Variants in ATXN10 observed in about 807,000 individuals in gnomAD.
ATXN10 encodes ataxin-10.
In ATXN10, 28 loss-of-function variants were observed where a neutral mutation model predicts 52.9. That is an observed-to-expected ratio of 0.53 (90% CI 0.39 to 0.73). The LOEUF (loss-of-function observed/expected upper bound fraction) is 0.73, where lower values mean the gene tolerates loss of function less well. Among genes scored for constraint, ATXN10 ranks in the 30% least tolerant of loss-of-function variants. The pLI is 0.00. For missense variants in ATXN10, 565 were observed against 577.0 expected (o/e 0.98, Z 0.21); for synonymous variants, 226 against 221.5 (o/e 1.02, Z -0.18).
rs1470462073 is a variant in ATXN10, at chr22:45,781,345, A to G, written c.1174-25614A>G. On this transcript the variant is annotated intron_variant, in intron 9 of 11. Transcript: ENST00000252934. This position sits in a 1 kb window ranked among gnomAD's most constrained non-coding sequence, Gnocchi z 4.2. ...TACTGTCAGCAGAGACCGAGTAGGG[A>G]GCATGAACAACCAGCTCTGCCCAGC... is the stretch of plus-strand genomic sequence containing the variant. Among the ~76,000 whole-genome samples, 1 of 152,056 alleles carries G rather than the reference A, an allele frequency of 6.6e-6. No individual in the cohort carries two copies. The highest frequency in any genetic ancestry group is 1.5e-5 in the Non-Finnish European group (1 of 67,988).
rs1435707063 is a variant in ATXN10, at chr22:45,740,982, G to A, written c.1173+444G>A. On this transcript the variant is annotated intron_variant, in intron 9 of 11. Coordinates refer to ENST00000252934, the MANE Select transcript of ATXN10 (RefSeq NM_013236.4). Reference sequence around the variant, plus strand: ...AATATTTAAGTATGAAGTCTTTGAGGACCTAGTAGGCTGCTTTTAGAAACC... The same window carrying A: ...AATATTTAAGTATGAAGTCTTTGAGAACCTAGTAGGCTGCTTTTAGAAACC... Among the ~76,000 whole-genome samples, 5 of 152,058 alleles carry A rather than the reference G, an allele frequency of 3.3e-5. No homozygotes were observed. The South Asian group carries it at 1.0e-3, about 32-fold the overall frequency.
intron 10 of ATXN10, among the ~76,000 whole-genome samples, chr22:45,811,446 A>G (rs1462199903): frequency 6.6e-6 from 1 of 152,078 alleles, no homozygotes; most frequent in Non-Finnish European, 1.5e-5. Context: ...CCCATATTCA[A>G]CCTTGGTCCC....
At chr22:45,768,148 A>G (rs1200193311) in intron 9 of ATXN10, among the ~76,000 whole-genome samples, 3 of 152,228 alleles carry the variant, frequency 2.0e-5, no homozygotes, top group Non-Finnish European at 4.4e-5. Flanking sequence ...GAAAAGAACT[A>G]AAATCGTTGA....
At chr22:45,711,399 C>T (rs1924244461) in intron 5 of ATXN10, among the ~76,000 whole-genome samples, 1 of 151,944 alleles carries the variant, frequency 6.6e-6, no homozygotes, top group Non-Finnish European at 1.5e-5. Flanking sequence ...GGCGGGTGAA[C>T]CTGCAAAAGG....
At chr22:45,698,700 G>C (rs1923716548) in intron 3 of ATXN10, among the ~76,000 whole-genome samples, 1 of 152,144 alleles carries the variant, frequency 6.6e-6, no homozygotes, top group Non-Finnish European at 1.5e-5. Context: ...TATTATTGAG[G>C]CAGGAAGGAA....
At position 45,828,221 on chromosome 22, in the gene ATXN10, A is replaced by G. The variant is rs923328655; in HGVS notation, c.1238-14770A>G. Among the ~76,000 whole-genome samples, 1 of 151,924 alleles carries G rather than the reference A, an allele frequency of 6.6e-6. No individual in the cohort carries two copies. Among genetic ancestry groups the G allele is most frequent in the African/African-American group, 2.4e-5 (1 of 41,410 alleles). On this transcript the variant is annotated intron_variant, in intron 10 of 11. Coordinates refer to ENST00000252934, the MANE Select transcript of ATXN10 (RefSeq NM_013236.4). The surrounding 1 kb of genome is among the most constrained non-coding windows in gnomAD (Gnocchi z 4.5). ...TTAAAAAAGAAAAAAAAAAGAAGAA[A>G]AAAATATTTAGAGACAAATGAAAAT...
At chr22:45,734,015 A>G (rs1925190692) in intron 7 of ATXN10, among the ~76,000 whole-genome samples, 1 of 152,132 alleles carries the variant, frequency 6.6e-6, no homozygotes, top group African/African-American at 2.4e-5. Context: ...ATTTAACTAT[A>G]TAGACTCATC....
chr22:45,831,028 G>A (rs1274216485), intron 10 of ATXN10, among the ~76,000 whole-genome samples: 2 of 152,178 alleles, frequency 1.3e-5, no homozygotes, highest in East Asian at 1.9e-4. Context: ...ATATGAGTCA[G>A]CTTTAAAAGG....
intron 10 of ATXN10, among the ~76,000 whole-genome samples, chr22:45,810,259 A>G (rs1928237787): frequency 6.6e-6 from 1 of 152,142 alleles, no homozygotes; most frequent in Admixed American, 6.5e-5. Context: ...TTTCTTTTCC[A>G]TTCATCTTTT....
Position 45,823,971 on chromosome 22 carries a change from T to C in ATXN10, c.1237+16949T>C, listed in dbSNP as rs1286587431. Among the ~76,000 whole-genome samples the C allele has an allele frequency of 6.6e-6, 1 of 152,226 alleles. No homozygotes were observed. The highest frequency in any genetic ancestry group is 1.5e-5 in the Non-Finnish European group (1 of 68,040). On this transcript the variant is annotated intron_variant, in intron 10 of 11. Coordinates refer to ENST00000252934, the MANE Select transcript of ATXN10 (RefSeq NM_013236.4). The surrounding 1 kb of genome is among the most constrained non-coding windows in gnomAD (Gnocchi z 4.9). ...CTGTCGCTTGTACTTTTTTGTGAGCTCCTTGAGAGCAAAGCACATCATGTT... is the reference window on the plus strand; with the variant it reads ...CTGTCGCTTGTACTTTTTTGTGAGCCCCTTGAGAGCAAAGCACATCATGTT...
chr22:45,744,551 A>AGTGAGAATTGCC lies in ATXN10; in HGVS notation c.1173+4017_1173+4028dup, dbSNP rs1179731537. On this transcript the variant is annotated intron_variant, in intron 9 of 11. Transcript: ENST00000252934. The surrounding 1 kb of genome is among the most constrained non-coding windows in gnomAD (Gnocchi z 4.9). ...GATTTAACTCAGCTAGCACTTGCTG[A>AGTGAGAATTGCC]GTGAGAATTGCCGTGTGCTGCATGC... 1.3e-5 allele frequency: 2 copies of AGTGAGAATTGCC among 152,174 alleles called. No individual in the cohort carries two copies. The highest frequency in any genetic ancestry group is 4.8e-5 in the African/African-American group (2 of 41,430). 9.4% of individuals were successfully genotyped at this position (152,174 alleles called of 1,614,324 possible). A position where few individuals can be genotyped will look rare whatever the true frequency, so the allele number is the denominator to read the frequency against.
chr22:45,772,632 A>G lies in ATXN10; in HGVS notation c.1173+32094A>G, dbSNP rs1038977004. Among the ~76,000 whole-genome samples, 4 of 152,198 alleles carry G rather than the reference A, an allele frequency of 2.6e-5. No homozygotes were observed. The highest frequency in any genetic ancestry group is 9.6e-5 in the African/African-American group (4 of 41,456). ...GTGATTGGAATTGCGTTAAATATACAGCTCTCTTTGGGGGGAATCAATGTC... is the reference window on the plus strand; with the variant it reads ...GTGATTGGAATTGCGTTAAATATACGGCTCTCTTTGGGGGGAATCAATGTC... On this transcript the variant is annotated intron_variant, in intron 9 of 11. Transcript: ENST00000252934. This position sits in a 1 kb window ranked among gnomAD's most constrained non-coding sequence, Gnocchi z 4.1.
chr22:45,749,625 G>C (rs1396692413), intron 9 of ATXN10, among the ~76,000 whole-genome samples: 1 of 152,036 alleles, frequency 6.6e-6, no homozygotes, highest in East Asian at 1.9e-4. Flanking sequence ...GCAGTGGTGT[G>C]ATTATAGCTC....
intron 3 of ATXN10, 120 bp from the exon 4 acceptor site, chr22:45,700,162 T>G (rs1188529792): frequency 2.5e-6 from 2 of 785,528 alleles, no homozygotes; most frequent in Non-Finnish European, 4.0e-6. Context: ...CAGACTTTAA[T>G]TTTTAAAAGA....
Position 45,672,131 on chromosome 22 carries a change from T to G in ATXN10, c.68T>G (p.Leu23Arg). 6.5e-7 allele frequency: 1 copy of G among 1,539,556 alleles called. No homozygotes were observed. The highest frequency in any genetic ancestry group is 1.2e-5 in the South Asian group (1 of 83,794). ...ATGGTGCCGGCGCCCATCCAAGACC[T>G]GGAGGCCCTGCGCGCGCTCACGGCG... Reference protein sequence around the residue: ...GVMVPAPIQDLEALRALTALF... With the variant: ...GVMVPAPIQDREALRALTALF... The change falls in exon 1 of 12, where the codon CTG becomes CGG. Residue 23 changes from leucine to arginine, a missense_variant. Leu to Arg is a moderately radical substitution (Grantham distance 102). Transcript: ENST00000252934.
At position 45,820,361 on chromosome 22, in the gene ATXN10, A is replaced by G. The variant is rs1321172203; in HGVS notation, c.1237+13339A>G. 1.3e-5 allele frequency among the ~76,000 whole-genome samples: 2 copies of G among 152,228 alleles called. No homozygotes were observed. The highest frequency in any genetic ancestry group is 1.3e-4 in the Admixed American group (2 of 15,292). On this transcript the variant is annotated intron_variant, in intron 10 of 11. Coordinates refer to ENST00000252934, the MANE Select transcript of ATXN10 (RefSeq NM_013236.4). This position sits in a 1 kb window ranked among gnomAD's most constrained non-coding sequence, Gnocchi z 4.9. Reference sequence around the variant, plus strand: ...ACAGGACAGAACGCTAAGGGGTGGTAGAAGAAAGGATGGCCTACTCAGAGG... The same window carrying G: ...ACAGGACAGAACGCTAAGGGGTGGTGGAAGAAAGGATGGCCTACTCAGAGG...
rs1927670674 is a variant in ATXN10, at chr22:45,795,306, T to C, written c.1174-11653T>C. On this transcript the variant is annotated intron_variant, in intron 9 of 11. Transcript: ENST00000252934. This position sits in a 1 kb window ranked among gnomAD's most constrained non-coding sequence, Gnocchi z 4.6. ...ATAAACTCAATCATGTTGATAAATA[T>C]ATTAAATGTAAATGGCTTAAATATC... Among the ~76,000 whole-genome samples the C allele has an allele frequency of 1.3e-5, 2 of 152,182 alleles. No homozygotes were observed. The highest frequency in any genetic ancestry group is 2.9e-5 in the Non-Finnish European group (2 of 68,036).
rs73444661 is a variant in ATXN10, at chr22:45,777,894, C to T, written c.1174-29065C>T. On this transcript the variant is annotated intron_variant, in intron 9 of 11. Transcript: ENST00000252934. ...TCTGCAAGTCTCCCTTTCATAGAGA[C>T]CATGAGGTGTAGTGGAAAGAGCTTG... Among the ~76,000 whole-genome samples the T allele has an allele frequency of 8.5e-3, 1,300 of 152,248 alleles. 10 individuals carry two copies. The highest frequency in any genetic ancestry group is 0.029 in the African/African-American group (1,220 of 41,548).
chr22:45,815,286 A>T (rs1161542758), intron 10 of ATXN10, among the ~76,000 whole-genome samples: 1 of 152,202 alleles, frequency 6.6e-6, no homozygotes, highest in Non-Finnish European at 1.5e-5. Flanking sequence ...AACAGGCAGG[A>T]TTCATCTATG....
Sources: allele counts gnomAD v4.1 joint callset (sites outside exome capture counted in the v4.1 genomes callset), GRCh38; gene constraint gnomAD v4.1.1; non-coding constraint Gnocchi (gnomAD v3.1); transcripts MANE v1.5; gene names NCBI Gene and HGNC (gene_info 2026-07-23, HGNC 2026-07-21).